The following ADAR variants were observed in gnomAD, a reference collection of about 807,000 sequenced individuals.
ADAR encodes the protein adenosine deaminase RNA specific.
In ADAR, 41 loss-of-function variants were observed where a neutral mutation model predicts 113.2. The ratio of observed to expected loss-of-function variants is 0.36; its 90% CI spans 0.28 to 0.47. The LOEUF (loss-of-function observed/expected upper bound fraction) is 0.47. Ranked by LOEUF, ADAR falls within the 20% of genes least tolerant of loss-of-function variation. The pLI is 1.00. For missense variants in ADAR, 1,242 were observed against 1,540.9 expected (o/e 0.81, Z 3.25); for synonymous variants, 605 against 572.6 (o/e 1.06, Z -0.81).
chr1:154,584,680 A>G lies in ADAR; in HGVS notation c.*126T>C, dbSNP rs1571043532. The G allele has an allele frequency of 1.1e-6, 1 of 900,612 alleles. No individual in the cohort carries two copies. The highest frequency in any genetic ancestry group is 1.7e-5 in the African/African-American group (1 of 59,848). 55.8% of individuals were successfully genotyped at this position (900,612 alleles called of 1,614,324 possible). A position where few individuals can be genotyped will look rare whatever the true frequency, so the allele number is the denominator to read the frequency against. On this transcript the variant is annotated 3_prime_UTR_variant, in exon 15 of 15. Transcript: ENST00000368474. ...GAACCCAAAGTTTTCAGTATCACCA[A>G]TTATGGCTTAAAAAGAAAAAAAAAG...
intron 1 of ADAR, among the ~76,000 whole-genome samples, chr1:154,626,003 CAA>C (rs60388172): frequency 2.1e-3 from 175 of 82,378 alleles, no homozygotes; most frequent in African/African-American, 2.3e-3. Flanking sequence ...GACTCTGTCT[CAA>C]AAAAAAAAAA....
chr1:154,588,168 G>A lies in ADAR; in HGVS notation c.2976C>T (p.Phe992=), dbSNP rs552926126. 8.3e-5 allele frequency: 134 copies of A among 1,614,096 alleles called. No individual in the cohort carries two copies. The East Asian group carries it at 1.2e-3, about 15-fold the overall frequency. ...ESTESRHYPV[F]ENPKQGKLRT... is the part of the protein sequence containing the mutation. The stretch of plus-strand genomic sequence containing the variant: ...GGAGCTTTCCTTGTTTGGGATTCTC[G>A]AAGACAGGGTAGTGGCGGGATTCTG... Residue 992 remains phenylalanine (F), a synonymous_variant, in exon 11 of 15, where the codon TTC becomes TTT. Coordinates refer to ENST00000368474, the MANE Select transcript of ADAR (RefSeq NM_001111.5).
chr1:154,623,308 G>T (rs757776963), intron 1 of ADAR, among the ~76,000 whole-genome samples: 2 of 152,252 alleles, frequency 1.3e-5, no homozygotes, highest in Middle Eastern at 3.4e-3. Flanking sequence ...AGATGCAAAG[G>T]TACAGAAAGG....
chr1:154,590,421 G>C lies in ADAR; in HGVS notation c.2271-12C>G. The C allele has an allele frequency of 2.5e-6, 4 of 1,613,372 alleles. No individual in the cohort carries two copies. Among genetic ancestry groups the C allele is most frequent in the Non-Finnish European group, 2.5e-6 (3 of 1,179,336 alleles). On this transcript the variant is annotated splice_polypyrimidine_tract_variant and intron_variant, in intron 6 of 14. Transcript: ENST00000368474. ...CTTGGTAAACGAACCTTTGGGATGA[G>C]AAACAGAGAATGAAGACAAGTGCCA... is the stretch of plus-strand genomic sequence containing the variant.
chr1:154,619,485 C>T (rs975232390), intron 1 of ADAR, among the ~76,000 whole-genome samples: 2 of 152,150 alleles, frequency 1.3e-5, no homozygotes, highest in Admixed American at 6.5e-5. Context: ...CCTGAAAGAC[C>T]AAAATACTCC....
chr1:154,591,387 G>A (rs1235006788), intron 6 of ADAR, among the ~76,000 whole-genome samples: 1 of 152,244 alleles, frequency 6.6e-6, no homozygotes, highest in Non-Finnish European at 1.5e-5. Flanking sequence ...ACCTGGAGAG[G>A]TCATTAGGTC....
chr1:154,594,365 C>T lies in ADAR; in HGVS notation c.2270+2440G>A, dbSNP rs151294820. Among the ~76,000 whole-genome samples the T allele has an allele frequency of 4.6e-5, 7 of 152,246 alleles. No homozygotes were observed. The East Asian group carries it at 1.2e-3, about 25-fold the overall frequency. The stretch of plus-strand genomic sequence containing the variant: ...AAGCAAACACAGTTGCCAGTTTTTT[C>T]GATCCTTCAAGAAAATATTCTAGAC... On this transcript the variant is annotated intron_variant, in intron 6 of 14. Transcript: ENST00000368474.
intron 1 of ADAR, among the ~76,000 whole-genome samples, chr1:154,615,609 G>A (rs185047947): frequency 3.3e-4 from 50 of 151,632 alleles, no homozygotes; most frequent in African/African-American, 1.1e-3. Flanking sequence ...AAATAGGGCC[G>A]CACTATGTTG....
intron 1 of ADAR, among the ~76,000 whole-genome samples, chr1:154,604,308 C>T (rs924008047): frequency 6.6e-6 from 1 of 152,242 alleles, no homozygotes; most frequent in Non-Finnish European, 1.5e-5. Flanking sequence ...TCTGGTGGAA[C>T]CTGCTCCTCG....
chr1:154,614,794 G>A (rs940486142), intron 1 of ADAR, among the ~76,000 whole-genome samples: 5 of 152,322 alleles, frequency 3.3e-5, no homozygotes, highest in South Asian at 2.1e-4. Context: ...AGATTGAGGA[G>A]GAAACTGAGG....
In ADAR at chr1:154,601,151, TGTCA is replaced by T; in HGVS notation, c.1487_1490del (p.Leu496GlnfsTer5). ...TGATGGGGTTCTTCAGCTGGCACTC[TGTCA>T]GTTTCTTGTAGGGTGAACACCGTGG... On this transcript the variant is annotated frameshift_variant, in exon 2 of 15. Coordinates refer to ENST00000368474, the MANE Select transcript of ADAR (RefSeq NM_001111.5). LOFTEE classifies it high-confidence loss of function. This position sits in a 1 kb window ranked among gnomAD's most constrained non-coding sequence, Gnocchi z 4.7. The T allele has an allele frequency of 6.2e-7, 1 of 1,614,208 alleles. No individual in the cohort carries two copies. Among genetic ancestry groups the T allele is most frequent in the Non-Finnish European group, 8.5e-7 (1 of 1,180,034 alleles).
chr1:154,588,178 T>C lies in ADAR; in HGVS notation c.2966A>G (p.Tyr989Cys), dbSNP rs775166983. 3 of 1,613,796 alleles carry C rather than the reference T, an allele frequency of 1.9e-6. No homozygotes were observed. In the African/African-American group the frequency reaches 4.0e-5, roughly 22 times the overall value. Residue 989 changes from tyrosine to cysteine, a missense_variant, in exon 11 of 15, where the codon TAC (tyrosine) becomes TGC (cysteine). Coordinates refer to ENST00000368474, the MANE Select transcript of ADAR (RefSeq NM_001111.5). ...RAMESTESRH[Y>C]PVFENPKQGK... ...TTGTTTGGGATTCTCGAAGACAGGG[T>C]AGTGGCGGGATTCTGTGCTTTCCAT... is the stretch of plus-strand genomic sequence containing the variant.
rs758416431 is a variant in ADAR, at chr1:154,584,684, T to C, written c.*122A>G. On this transcript the variant is annotated 3_prime_UTR_variant, in exon 15 of 15. Transcript: ENST00000368474. ...CCAAAGTTTTCAGTATCACCAATTA[T>C]GGCTTAAAAAGAAAAAAAAAGGAGA... 15 of 918,024 alleles carry C rather than the reference T, an allele frequency of 1.6e-5. No individual in the cohort carries two copies. The highest frequency in any genetic ancestry group is 2.4e-5 in the East Asian group (1 of 41,354). 56.9% of individuals were successfully genotyped at this position (918,024 alleles called of 1,614,324 possible).
rs1386929314 is a variant in ADAR at position 154,597,966 on chromosome 1, G to C, written c.1796C>G (p.Ser599Cys). Residue 599 changes from serine (S) to cysteine (C), a missense_variant, in exon 4 of 15, where the codon TCC becomes TGC. Transcript: ENST00000368474. The stretch of plus-strand genomic sequence containing the variant: ...TGTGGCTGAAGGGGTGGGGGTCTGG[G>C]ACTCTGCAGTCTAGAGAAAATGAGA... ...TEKESEKTAE[S>C]QTPTPSATSF... 6.2e-7 allele frequency: 1 copy of C among 1,613,980 alleles called. No homozygotes were observed. Among genetic ancestry groups the C allele is most frequent in the Non-Finnish European group, 8.5e-7 (1 of 1,179,956 alleles).
At chr1:154,627,116 A>G (rs1182378036) in intron 1 of ADAR, among the ~76,000 whole-genome samples, 1 of 152,232 alleles carries the variant, frequency 6.6e-6, no homozygotes. Flanking sequence ...CACAACATTC[A>G]AAATCCAATG....
exon 1 of ADAR, chr1:154,627,903 G>A (rs374052574): frequency 1.2e-5 from 6 of 518,228 alleles, no homozygotes; most frequent in Non-Finnish European, 2.3e-5. Flanking sequence ...GAGACTGCCA[G>A]TGCGGCCGCG....
At chr1:154,598,073 C>G in intron 3 of ADAR, 97 bp from the exon 4 acceptor site, 7 of 1,443,898 alleles carry the variant, frequency 4.8e-6, no homozygotes, top group Non-Finnish European at 6.7e-6. Flanking sequence ...TTATTCCCAC[C>G]ACCTGTCAAG....
intron 1 of ADAR, among the ~76,000 whole-genome samples, chr1:154,627,584 GC>G (rs1438370372): frequency 6.6e-6 from 1 of 152,246 alleles, no homozygotes; most frequent in Admixed American, 6.5e-5. Flanking sequence ...GAGCATCCGT[GC>G]GCAGCCTCTG....
intron 1 of ADAR, among the ~76,000 whole-genome samples, chr1:154,607,171 T>G (rs1033370532): frequency 1.8e-4 from 27 of 149,300 alleles, no homozygotes; most frequent in South Asian, 2.1e-4. Flanking sequence ...ATAACTGTGG[T>G]TTTTTTTTTC....
Sources: gnomAD v4.1 joint callset for allele counts (sites outside exome capture counted in the v4.1 genomes callset) on GRCh38, gnomAD v4.1.1 for gene constraint, Gnocchi (gnomAD v3.1) non-coding constraint, MANE v1.5 for transcripts, NCBI Gene and HGNC (gene_info 2026-07-23, HGNC 2026-07-21) for gene names.